The following RALGAPA2 variants were observed in gnomAD, a reference collection of about 807,000 sequenced individuals.
RALGAPA2 encodes the protein ral GTPase-activating protein subunit alpha-2.
In RALGAPA2, 139 loss-of-function variants were observed where a neutral mutation model predicts 230.4. The ratio of observed to expected loss-of-function variants is 0.60; its 90% CI spans 0.53 to 0.69. The LOEUF is 0.69. Ranked by LOEUF, RALGAPA2 falls within the 30% of genes least tolerant of loss-of-function variation. The pLI, the probability that RALGAPA2 is intolerant of heterozygous loss-of-function variation, is 0.00. For synonymous variants in RALGAPA2, 847 were observed against 837.8 expected, an observed-to-expected ratio of 1.01 and a Z score of -0.19; for missense variants, 2,163 against 2,276.0, an observed-to-expected ratio of 0.95 and a Z score of 1.01.
chr20:20,452,630 G>T (rs1235592144), intron 37 of RALGAPA2, among the ~76,000 whole-genome samples: 1 of 152,256 alleles, frequency 6.6e-6, no homozygotes, highest in African/African-American at 2.4e-5. Flanking sequence ...GAGCGTGGAT[G>T]CTAATGAGCC....
chr20:20,710,632 T>C (rs1475500213), intron 1 of RALGAPA2, among the ~76,000 whole-genome samples: 1 of 148,856 alleles, frequency 6.7e-6, no homozygotes, highest in East Asian at 1.9e-4. Flanking sequence ...AGTGAAATGA[T>C]AAAAGAAAGT....
At chr20:20,607,969 G>A (rs180809091) in intron 14 of RALGAPA2, among the ~76,000 whole-genome samples, 1 of 152,322 alleles carries the variant, frequency 6.6e-6, no homozygotes, top group Admixed American at 6.5e-5. Flanking sequence ...AAGGCAGGGT[G>A]TCCTTTTAAT....
intron 37 of RALGAPA2, among the ~76,000 whole-genome samples, chr20:20,468,963 T>TTG (rs754994354): frequency 0.047 from 6,704 of 143,334 alleles, 381 homozygotes; most frequent in African/African-American, 0.13. Flanking sequence ...GTGTGTGTGT[T>TTG]TGTGTGTGTG....
intron 37 of RALGAPA2, among the ~76,000 whole-genome samples, chr20:20,423,077 C>CAGGGCAGACCCA (rs1202333220): frequency 8.5e-5 from 13 of 152,280 alleles, no homozygotes; most frequent in African/African-American, 2.9e-4. Context: ...CGGCACAATG[C>CAGGGCAGACCCA]AGGGCAGACC....
chr20:20,577,712 G>T (rs2064862115), intron 20 of RALGAPA2, among the ~76,000 whole-genome samples: 1 of 151,972 alleles, frequency 6.6e-6, no homozygotes, highest in African/African-American at 2.4e-5. Context: ...ATCAACATGA[G>T]CCCCCAAGTG....
chr20:20,421,631 T>C (rs199640987), intron 37 of RALGAPA2, among the ~76,000 whole-genome samples: 147 of 152,104 alleles, frequency 9.7e-4, no homozygotes, highest in Non-Finnish European at 1.7e-3. Context: ...GATCACACCA[T>C]TGCATTCCAG....
At chr20:20,575,153 A>G (rs536257344) in intron 20 of RALGAPA2, among the ~76,000 whole-genome samples, 16 of 152,046 alleles carry the variant, frequency 1.1e-4, no homozygotes, top group African/African-American at 3.4e-4. Flanking sequence ...TTCTCTATCT[A>G]TACTCATGCC....
At chr20:20,533,503 T>G (rs1181415561) in intron 26 of RALGAPA2, among the ~76,000 whole-genome samples, 1 of 152,088 alleles carries the variant, frequency 6.6e-6, no homozygotes, top group Non-Finnish European at 1.5e-5. Flanking sequence ...AAGCAAAATT[T>G]GACAGTATAT....
chr20:20,617,239 A>T lies in RALGAPA2; in HGVS notation c.1540-1048T>A, dbSNP rs188208662. ...AAGTATTGTATCAAAATAAATGTAC[A>T]ATCTGACGAAATTAAAATTAACATC... On this transcript the variant is annotated intron_variant, in intron 12 of 39. Transcript: ENST00000202677. 5.0e-3 allele frequency among the ~76,000 whole-genome samples: 756 copies of T among 152,346 alleles called. 5 individuals carry two copies. Among genetic ancestry groups the T allele is most frequent in the African/African-American group, 0.017 (720 of 41,578 alleles).
chr20:20,649,185 G>A (rs754445137), intron 4 of RALGAPA2, among the ~76,000 whole-genome samples: 1 of 152,170 alleles, frequency 6.6e-6, no homozygotes, highest in Non-Finnish European at 1.5e-5. Context: ...CAGCCTGGCT[G>A]TGATGCACTT....
intron 1 of RALGAPA2, among the ~76,000 whole-genome samples, chr20:20,708,094 TG>T (rs11476542): frequency 6.6e-4 from 101 of 152,202 alleles, no homozygotes; most frequent in African/African-American, 2.2e-3. Context: ...AAACTTCATA[TG>T]AAAAAAAGAT....
At chr20:20,590,617 T>C (rs2065259955) in intron 17 of RALGAPA2, among the ~76,000 whole-genome samples, 1 of 152,238 alleles carries the variant, frequency 6.6e-6, no homozygotes, top group Non-Finnish European at 1.5e-5. Flanking sequence ...AAACCATCTG[T>C]CTCCCTGCTT....
At chr20:20,548,066 C>T (rs2063821078) in intron 23 of RALGAPA2, among the ~76,000 whole-genome samples, 3 of 151,800 alleles carry the variant, frequency 2.0e-5, no homozygotes, top group East Asian at 1.9e-4. Context: ...ACTATAGTAA[C>T]GTGACTTATA....
intron 31 of RALGAPA2, among the ~76,000 whole-genome samples, chr20:20,518,045 A>G (rs900001666): frequency 1.3e-5 from 2 of 151,938 alleles, no homozygotes; most frequent in Non-Finnish European, 2.9e-5. Context: ...GAGAAAGGTG[A>G]AAACCAACAT....
chr20:20,570,047 C>G (rs2064575103), intron 23 of RALGAPA2, among the ~76,000 whole-genome samples: 1 of 152,118 alleles, frequency 6.6e-6, no homozygotes, highest in African/African-American at 2.4e-5. Context: ...AAAGATGCTT[C>G]CACTTGCAAT....
chr20:20,657,562 T>C (rs1603212061), intron 3 of RALGAPA2, among the ~76,000 whole-genome samples: 1 of 152,198 alleles, frequency 6.6e-6, no homozygotes, highest in African/African-American at 2.4e-5. Context: ...AGACATGGCT[T>C]CTCTACTGGC....
intron 23 of RALGAPA2, among the ~76,000 whole-genome samples, chr20:20,569,470 G>C (rs1029877742): frequency 2.6e-5 from 4 of 152,090 alleles, no homozygotes; most frequent in Non-Finnish European, 5.9e-5. Flanking sequence ...TGGGATTACT[G>C]TTAGCATTGG....
At chr20:20,574,969 T>C (rs1354882120) in intron 20 of RALGAPA2, among the ~76,000 whole-genome samples, 1 of 152,144 alleles carries the variant, frequency 6.6e-6, no homozygotes, top group Non-Finnish European at 1.5e-5. Flanking sequence ...TCCATGTTGT[T>C]TAATGTAGTG....
intron 12 of RALGAPA2, among the ~76,000 whole-genome samples, chr20:20,618,692 C>T (rs1460838739): frequency 2.6e-5 from 4 of 152,160 alleles, no homozygotes; most frequent in African/African-American, 9.7e-5. Flanking sequence ...ACTTACTCTT[C>T]AAGCTACATG....
Sources: gnomAD v4.1 joint callset for allele counts (sites outside exome capture counted in the v4.1 genomes callset) on GRCh38, gnomAD v4.1.1 for gene constraint, MANE v1.5 for transcripts, NCBI Gene and HGNC (gene_info 2026-07-23, HGNC 2026-07-21) for gene names.